The following TSPAN3 variants were observed in gnomAD, a reference collection of about 807,000 sequenced individuals.
TSPAN3 encodes tetraspanin-3.
Under a neutral mutation model 31.1 loss-of-function variants are expected in TSPAN3, and 9 were observed. That is an observed-to-expected ratio of 0.29 (90% CI 0.17 to 0.50). The LOEUF (loss-of-function observed/expected upper bound fraction) is 0.50, where lower values mean the gene tolerates loss of function less well. TSPAN3 is among the 20% of genes least tolerant of loss of function. TSPAN3 has a pLI of 0.98. For synonymous variants in TSPAN3, 129 were observed against 114.3 expected, an observed-to-expected ratio of 1.13 and a Z score of -0.82; for missense variants, 252 against 313.5, an observed-to-expected ratio of 0.80 and a Z score of 1.48.
At chr15:77,055,260 C>A (rs562581979) in intron 3 of TSPAN3, 2 of 152,432 alleles carry the variant, frequency 1.3e-5, no homozygotes, top group Admixed American at 6.5e-5. Context: ...AAGGAAGGAA[C>A]GGTGAAATGA....
Position 77,045,718 on chromosome 15 carries a change from C to A in TSPAN3, c.*1117G>T, listed in dbSNP as rs561938602. The A allele has an allele frequency of 1.2e-4, 19 of 152,352 alleles. No individual in the cohort carries two copies. The highest frequency in any genetic ancestry group is 4.3e-4 in the African/African-American group (18 of 41,584). The allele number at this position is 152,352 out of a possible 1,614,324, so 9.4% of individuals were successfully genotyped here. The stretch of plus-strand genomic sequence containing the variant: ...CCTTTGGACTCCCATTCTATTACTA[C>A]AACCACTGCAGTGTGAAAATTATCT... On this transcript the variant is annotated 3_prime_UTR_variant, in exon 7 of 7. Transcript: ENST00000267970.
Position 77,052,491 on chromosome 15 carries a change from C to A in TSPAN3, c.586-23G>T, listed in dbSNP as rs781412202. 3.1e-6 allele frequency: 5 copies of A among 1,604,218 alleles called. No individual in the cohort carries two copies. The South Asian group carries it at 5.5e-5, about 18-fold the overall frequency. On this transcript the variant is annotated intron_variant, in intron 5 of 6. Coordinates refer to ENST00000267970, the MANE Select transcript of TSPAN3 (RefSeq NM_005724.6). ...CCCCTGTAACAAACACAGTCATCCT[C>A]GTTAGAAGTGTTCTTTAAAAGTTAA...
At position 77,052,933 on chromosome 15, in the gene TSPAN3, AAGG is replaced by A. The variant is rs1402122847; in HGVS notation, c.433-7_433-5del. The A allele has an allele frequency of 3.7e-6, 6 of 1,612,406 alleles. No homozygotes were observed. Among genetic ancestry groups the A allele is most frequent in the Non-Finnish European group, 5.1e-6 (6 of 1,179,060 alleles). On this transcript the variant is annotated splice_polypyrimidine_tract_variant and splice_region_variant and intron_variant, in intron 4 of 6. Coordinates refer to ENST00000267970, the MANE Select transcript of TSPAN3 (RefSeq NM_005724.6). ...TGTGAATTCCACAACAATGCAGCTA[AAGG>A]AGAAGAGAATAAGTATTATTTCTCA...
chr15:77,065,876 G>A (rs745886643), intron 1 of TSPAN3, among the ~76,000 whole-genome samples: 3 of 151,954 alleles, frequency 2.0e-5, no homozygotes, highest in Admixed American at 6.6e-5. Flanking sequence ...ACTTTTTTGC[G>A]GTACTTCCCC....
chr15:77,062,148 A>T (rs1461541939), intron 1 of TSPAN3, among the ~76,000 whole-genome samples: 1 of 152,216 alleles, frequency 6.6e-6, no homozygotes, highest in East Asian at 1.9e-4. Context: ...ATTATTTTTC[A>T]TATACCTCTT....
rs2076677080 is a variant in TSPAN3 at position 77,044,393 on chromosome 15, T to C, written c.*2442A>G. On this transcript the variant is annotated 3_prime_UTR_variant, in exon 7 of 7. Coordinates refer to ENST00000267970, the MANE Select transcript of TSPAN3 (RefSeq NM_005724.6). The stretch of plus-strand genomic sequence containing the variant: ...ACAAGATGTTGAATTTGCATGGCCC[T>C]GGCCAACACAGACAACATCCCCTTC... The C allele has an allele frequency of 6.6e-6, 1 of 152,264 alleles. No individual in the cohort carries two copies. Among genetic ancestry groups the C allele is most frequent in the Non-Finnish European group, 1.5e-5 (1 of 68,062 alleles). The allele number at this position is 152,264 out of a possible 1,614,324, so 9.4% of individuals were successfully genotyped here. A position where few individuals can be genotyped will look rare whatever the true frequency, so the allele number is the denominator to read the frequency against.
At chr15:77,068,627 T>C (rs546107334) in intron 1 of TSPAN3, among the ~76,000 whole-genome samples, 5 of 152,348 alleles carry the variant, frequency 3.3e-5, no homozygotes, top group African/African-American at 1.2e-4. Flanking sequence ...GGTAGCTTAC[T>C]AGCTGACAAC....
chr15:77,049,734 C>A (rs777352603), intron 6 of TSPAN3, among the ~76,000 whole-genome samples: 6 of 152,022 alleles, frequency 3.9e-5, no homozygotes, highest in Non-Finnish European at 7.4e-5. Context: ...TGGACTAGAG[C>A]AAGAGTCACC....
intron 6 of TSPAN3, among the ~76,000 whole-genome samples, chr15:77,047,791 G>C (rs2076704357): frequency 2.0e-5 from 3 of 152,144 alleles, no homozygotes; most frequent in African/African-American, 4.8e-5. Context: ...ATAATTTGCT[G>C]TTCTAACTTC....
rs2076692828 is a variant in TSPAN3 at position 77,046,591 on chromosome 15, T to C, written c.*244A>G. 1.9e-6 allele frequency: 1 copy of C among 535,058 alleles called. No individual in the cohort carries two copies. Among genetic ancestry groups the C allele is most frequent in the Non-Finnish European group, 3.3e-6 (1 of 303,558 alleles). 33.1% of individuals were successfully genotyped at this position (535,058 alleles called of 1,614,324 possible). A position where few individuals can be genotyped will look rare whatever the true frequency, so the allele number is the denominator to read the frequency against. On this transcript the variant is annotated 3_prime_UTR_variant, in exon 7 of 7. Transcript: ENST00000267970. Reference sequence around the variant, plus strand: ...ACACTACATGACTCGCAATTGGTTCTGAAATTAGAACGTTCACCATCGTAC... The same window carrying C: ...ACACTACATGACTCGCAATTGGTTCCGAAATTAGAACGTTCACCATCGTAC...
chr15:77,054,919 C>A (rs1460767606), intron 3 of TSPAN3: 1 of 152,188 alleles, frequency 6.6e-6, no homozygotes, highest in Non-Finnish European at 1.5e-5. Context: ...TTTGCTTGTA[C>A]CAGATCCTCC....
chr15:77,063,758 T>C (rs1000799547), intron 1 of TSPAN3: 6 of 152,166 alleles, frequency 3.9e-5, no homozygotes, highest in South Asian at 2.1e-4. Context: ...CAACTCAAAA[T>C]TTCAGGTGGC....
Position 77,044,391 on chromosome 15 carries a change from C to G in TSPAN3, c.*2444G>C, listed in dbSNP as rs1267457535. ...AAACAAGATGTTGAATTTGCATGGCCCTGGCCAACACAGACAACATCCCCT... is the reference window on the plus strand; with the variant it reads ...AAACAAGATGTTGAATTTGCATGGCGCTGGCCAACACAGACAACATCCCCT... On this transcript the variant is annotated 3_prime_UTR_variant, in exon 7 of 7. Transcript: ENST00000267970. The G allele has an allele frequency of 2.0e-5, 3 of 152,240 alleles. No homozygotes were observed. The highest frequency in any genetic ancestry group is 7.2e-5 in the African/African-American group (3 of 41,438). The allele number at this position is 152,240 out of a possible 1,614,324, so 9.4% of individuals were successfully genotyped here.
chr15:77,070,640 G>A (rs1332094523), intron 1 of TSPAN3, among the ~76,000 whole-genome samples: 12 of 152,078 alleles, frequency 7.9e-5, no homozygotes, highest in Non-Finnish European at 1.5e-5. Context: ...CGAGCGCGGA[G>A]GCGCCGGCTG....
intron 1 of TSPAN3, among the ~76,000 whole-genome samples, chr15:77,065,080 C>G (rs1016429419): frequency 2.0e-5 from 3 of 152,234 alleles, no homozygotes; most frequent in Admixed American, 2.0e-4. Context: ...ACAGCCTGTT[C>G]CTTCAGTTCT....
At position 77,053,053 on chromosome 15, in the gene TSPAN3, A is replaced by G. The variant is rs2076742146; in HGVS notation, c.433-124T>C. 16 of 966,758 alleles carry G rather than the reference A, an allele frequency of 1.7e-5. No individual in the cohort carries two copies. In the South Asian group the frequency reaches 2.8e-4, roughly 17 times the overall value. The allele number at this position is 966,758 out of a possible 1,614,324, so 59.9% of individuals were successfully genotyped here. On this transcript the variant is annotated intron_variant, in intron 4 of 6. Coordinates refer to ENST00000267970, the MANE Select transcript of TSPAN3 (RefSeq NM_005724.6). ...TGTCCGATACAACTTTCTATAATGGAAAGTCTGCATGATCCAATATAGCAG... is the reference window on the plus strand; with the variant it reads ...TGTCCGATACAACTTTCTATAATGGGAAGTCTGCATGATCCAATATAGCAG...
At chr15:77,048,515 C>G (rs573803701) in intron 6 of TSPAN3, among the ~76,000 whole-genome samples, 1 of 152,144 alleles carries the variant, frequency 6.6e-6, no homozygotes, top group African/African-American at 2.4e-5. Flanking sequence ...AACAAATAAA[C>G]TTGATAAAAT....
Position 77,070,946 on chromosome 15 carries a change from C to T in TSPAN3, c.9G>A (p.Gln3=). The change falls in exon 1 of 7, where the codon CAG becomes CAA. Residue 3 remains glutamine (Q), a synonymous_variant. Transcript: ENST00000267970. Reference sequence around the variant, plus strand: ...CGGTCTTGGAGGAGGTGATGCCGCACTGGCCCATGGCGCCGGTGGCCCGCG... The same window carrying T: ...CGGTCTTGGAGGAGGTGATGCCGCATTGGCCCATGGCGCCGGTGGCCCGCG... The part of the protein sequence containing the change: MG[Q]CGITSSKTVL... 1 of 1,442,536 alleles carries T rather than the reference C, an allele frequency of 6.9e-7. No homozygotes were observed. Among genetic ancestry groups the T allele is most frequent in the Non-Finnish European group, 9.2e-7 (1 of 1,090,468 alleles). The allele number at this position is 1,442,536 out of a possible 1,614,324, so 89.4% of individuals were successfully genotyped here.
At chr15:77,053,205 A>G (rs888971728) in intron 4 of TSPAN3, among the ~76,000 whole-genome samples, 1 of 152,104 alleles carries the variant, frequency 6.6e-6, no homozygotes, top group East Asian at 1.9e-4. Context: ...TATGAAAAGT[A>G]CATTGCCAGG....
Sources: allele counts gnomAD v4.1 joint callset (sites outside exome capture counted in the v4.1 genomes callset), GRCh38; gene constraint gnomAD v4.1.1; transcripts MANE v1.5; gene names NCBI Gene and HGNC (gene_info 2026-07-23, HGNC 2026-07-21).